Variants in IL4I1 observed in about 807,000 individuals in gnomAD.
IL4I1 encodes the protein L-amino-acid oxidase.
A neutral mutation model predicts 29.7 loss-of-function variants in IL4I1; 24 were observed. That is an observed-to-expected ratio of 0.81 (90% confidence interval 0.59 to 1.14). The LOEUF (loss-of-function observed/expected upper bound fraction) is 1.14, where lower values mean the gene tolerates loss of function less well. Among genes scored for constraint, IL4I1 ranks in the 50% most tolerant of loss-of-function variants. IL4I1 has a pLI of 0.00. For missense variants in IL4I1, 686 were observed against 785.6 expected (o/e 0.87, Z 1.52); for synonymous variants, 371 against 352.5 (o/e 1.05, Z -0.59).
intron 2 of IL4I1, chr19:49,909,279 C>T (rs1200769693): frequency 6.2e-7 from 1 of 1,614,130 alleles, no homozygotes; most frequent in Non-Finnish European, 8.5e-7. Flanking sequence ...GCTGAATTCC[C>T]TGCTGAGCCA....
chr19:49,890,963 C>CCCCCCCCCCCT lies in IL4I1; in HGVS notation c.773+7_773+8insAGGGGGGGGGG. 2 of 1,506,488 alleles carry CCCCCCCCCCCT rather than the reference C, an allele frequency of 1.3e-6. No individual in the cohort carries two copies. The highest frequency in any genetic ancestry group is 1.8e-6 in the Non-Finnish European group (2 of 1,123,960). 93.3% of individuals were successfully genotyped at this position (1,506,488 alleles called of 1,614,324 possible). On this transcript the variant is annotated splice_region_variant and intron_variant, in intron 7 of 7. Transcript: ENST00000391826. ...CCCCCCCCCCTGCCCGCCAGCCCCG[C>CCCCCCCCCCCT]CCCTTACTGGAGTCTGTCGCTGAGG...
chr19:49,913,603 C>T (rs2075540537), intron 2 of IL4I1, among the ~76,000 whole-genome samples: 2 of 152,246 alleles, frequency 1.3e-5, no homozygotes, highest in African/African-American at 4.8e-5. Flanking sequence ...GGGACTCTCT[C>T]TACCTGCAGA....
Position 49,908,343 on chromosome 19 carries a change from C to T in IL4I1, c.-227-4022G>A, listed in dbSNP as rs752339926. On this transcript the variant is annotated intron_variant, in intron 2 of 9. Transcript: ENST00000341114. ...CTCTGCAGCAGGGCCGAGTTCTGGT[C>T]GATCCACTGCAGTGAGTCCATGTGC... The T allele has an allele frequency of 1.1e-5, 18 of 1,613,984 alleles. No individual in the cohort carries two copies. The African/African-American group carries it at 1.3e-4, about 12-fold the overall frequency.
chr19:49,908,436 G>C, intron 2 of IL4I1: 1 of 1,614,146 alleles, frequency 6.2e-7, no homozygotes, highest in Non-Finnish European at 8.5e-7. Context: ...GACGTGTTCA[G>C]GTGCTCGATG....
chr19:49,896,205 G>A, intron 1 of IL4I1, 23 bp from the exon 2 acceptor site: 3 of 1,487,300 alleles, frequency 2.0e-6, no homozygotes, highest in Non-Finnish European at 2.7e-6. Context: ...AGAAGGGAGG[G>A]CTGTTGTGAC....
intron 2 of IL4I1, among the ~76,000 whole-genome samples, chr19:49,917,114 CAG>C (rs1225973919): frequency 1.3e-5 from 2 of 152,156 alleles, no homozygotes; most frequent in African/African-American, 4.8e-5. Context: ...CCGGTGGAAC[CAG>C]AGAGACCAGA....
At chr19:49,926,610 G>A (rs999115865) in intron 2 of IL4I1, among the ~76,000 whole-genome samples, 11 of 152,200 alleles carry the variant, frequency 7.2e-5, no homozygotes, top group African/African-American at 2.2e-4. Context: ...TTCTACCGGC[G>A]GGGCGGGGGA....
chr19:49,928,474 G>C (rs192618991), intron 1 of IL4I1: 1 of 149,836 alleles, frequency 6.7e-6, no homozygotes, highest in Non-Finnish European at 1.5e-5. Context: ...CCGAGATCGC[G>C]CCACTGCACT....
At chr19:49,922,852 C>T (rs1191639037) in intron 2 of IL4I1, among the ~76,000 whole-genome samples, 1 of 152,162 alleles carries the variant, frequency 6.6e-6, no homozygotes, top group Non-Finnish European at 1.5e-5. Context: ...GGGCCTGACA[C>T]AGGGCCCAAG....
chr19:49,890,474 C>G lies in IL4I1; in HGVS notation c.900G>C (p.Gln300His). ...MTQGPHDVHV[Q>H]IETSPPARNL... is the part of the protein sequence containing the mutation. The stretch of plus-strand genomic sequence containing the variant: ...TCCGCGCCGGGGGAGAGGTCTCGAT[C>G]TGCACGTGCACATCGTGCGGTCCCT... Residue 300 changes from glutamine (Q) to histidine (H), a missense_variant, in exon 8 of 8, where the codon CAG becomes CAC. Physicochemically the swap from Gln to His is conservative, Grantham distance 24. Transcript: ENST00000391826. 1.2e-6 allele frequency: 2 copies of G among 1,612,082 alleles called. No homozygotes were observed. The highest frequency in any genetic ancestry group is 2.2e-5 in the South Asian group (2 of 91,084).
intron 6 of IL4I1, 108 bp from the exon 7 acceptor site, chr19:49,891,215 G>A (rs1350324641): frequency 1.3e-6 from 2 of 1,498,470 alleles, no homozygotes; most frequent in East Asian, 2.3e-5. Flanking sequence ...TGGACCGTAG[G>A]ATCCTGTCCC....
intron 7 of IL4I1, 43 bp downstream of exon 7, chr19:49,890,928 T>TTG: frequency 3.2e-6 from 2 of 633,202 alleles, no homozygotes; most frequent in Non-Finnish European, 4.9e-6. Context: ...TTTCCCTGAT[T>TTG]GCCCCCCGCC....
At chr19:49,906,602 C>T (rs1384629993) in intron 2 of IL4I1, among the ~76,000 whole-genome samples, 3 of 152,254 alleles carry the variant, frequency 2.0e-5, no homozygotes, top group Non-Finnish European at 4.4e-5. Context: ...TCTTCTACCA[C>T]TAGCACCACC....
chr19:49,906,639 A>G (rs1185163119), intron 2 of IL4I1, among the ~76,000 whole-genome samples: 2 of 152,194 alleles, frequency 1.3e-5, no homozygotes, highest in Non-Finnish European at 2.9e-5. Context: ...CACGATTTGC[A>G]TTTGTCTATT....
Position 49,889,813 on chromosome 19 carries a change from C to T in IL4I1, c.1561G>A (p.Ala521Thr), listed in dbSNP as rs2075104650. ...ASDTASPEGH[A>T]SDMEGQGHVH... ...TGCCCCTGCCCCTCCATGTCAGATG[C>T]GTGCCCCTCGGGGCTGGCCGTGTCC... Residue 521 changes from alanine to threonine, a missense_variant, in exon 8 of 8, where the codon GCA (alanine) becomes ACA (threonine). Ala to Thr is a moderately conservative substitution (Grantham distance 58). Coordinates refer to ENST00000391826, the MANE Select transcript of IL4I1 (RefSeq NM_152899.2). The T allele has an allele frequency of 6.4e-7, 1 of 1,550,646 alleles. No individual in the cohort carries two copies. Among genetic ancestry groups the T allele is most frequent in the South Asian group, 1.2e-5 (1 of 82,272 alleles).
At chr19:49,920,593 G>A (rs2075742120) in intron 2 of IL4I1, among the ~76,000 whole-genome samples, 1 of 152,232 alleles carries the variant, frequency 6.6e-6, no homozygotes, top group Non-Finnish European at 1.5e-5. Context: ...TGAGGCTGTG[G>A]AGGCGGATAG....
chr19:49,909,687 C>A, intron 2 of IL4I1: 1 of 1,614,182 alleles, frequency 6.2e-7, no homozygotes. Flanking sequence ...AAATTAAACC[C>A]TCCAGTGCCA....
rs765006946 is a variant in IL4I1, at chr19:49,894,371, C to T, written c.464G>A (p.Arg155His). 32 of 1,614,110 alleles carry T rather than the reference C, an allele frequency of 2.0e-5. No homozygotes were observed. The highest frequency in any genetic ancestry group is 2.5e-5 in the Non-Finnish European group (29 of 1,180,044). Residue 155 changes from arginine to histidine, a missense_variant, in exon 5 of 8, where the codon CGC becomes CAC. Arg to His is a conservative substitution (Grantham distance 29). Coordinates refer to ENST00000391826, the MANE Select transcript of IL4I1 (RefSeq NM_152899.2). ...TWTEVHEVKL[R>H]NYVVEKVPEK... ...GGGCACCTTCTCCACCACATAGTTG[C>T]GCAGCTTCACTTCGTGCACCTCCGT...
At chr19:49,898,920 T>C (rs2075245414), upstream of IL4I1, among the ~76,000 whole-genome samples, 1 of 152,184 alleles carries the variant, frequency 6.6e-6, no homozygotes, top group South Asian at 2.1e-4. Context: ...CTGCATTTGA[T>C]AGTTGAGGAA....
Sources: allele counts gnomAD v4.1 joint callset (sites outside exome capture counted in the v4.1 genomes callset), GRCh38; gene constraint gnomAD v4.1.1; transcripts MANE v1.5; gene names NCBI Gene and HGNC (gene_info 2026-07-23, HGNC 2026-07-21).